RAPGEF2: variants seen among roughly 807,000 people sequenced by gnomAD.
RAPGEF2 encodes PDZ domain containing guanine nucleotide exchange factor (GEF) 1.
A neutral mutation model predicts 186.7 loss-of-function variants in RAPGEF2; 54 were observed. That is an observed-to-expected ratio of 0.29 (90% CI 0.23 to 0.36). The LOEUF (loss-of-function observed/expected upper bound fraction) is 0.36, where lower values mean the gene tolerates loss of function less well. RAPGEF2 is among the 10% of genes least tolerant of loss of function. The pLI is 1.00. For missense variants in RAPGEF2, 1,532 were observed against 2,045.0 expected, an observed-to-expected ratio of 0.75 and a Z score of 4.84; for synonymous variants, 712 against 705.9, an observed-to-expected ratio of 1.01 and a Z score of -0.14.
At chr4:159,296,754 G>A (rs551296822) in intron 7 of RAPGEF2, among the ~76,000 whole-genome samples, 1 of 152,308 alleles carries the variant, frequency 6.6e-6, no homozygotes, top group Non-Finnish European at 1.5e-5. Flanking sequence ...ATGGGGCAAA[G>A]CCTCACATTT....
At chr4:159,106,246 A>C (rs1478962734) in intron 1 of RAPGEF2, among the ~76,000 whole-genome samples, 1 of 152,190 alleles carries the variant, frequency 6.6e-6, no homozygotes, top group Non-Finnish European at 1.5e-5. Flanking sequence ...CATTTCAAAC[A>C]TTCCTAAGTG....
intron 8 of RAPGEF2, 113 bp downstream of exon 8, chr4:159,304,586 T>C: frequency 2.1e-6 from 2 of 948,454 alleles, no homozygotes; most frequent in Non-Finnish European, 1.5e-6. Context: ...TACATGTGCA[T>C]GTAAGTACAT....
At position 159,243,573 on chromosome 4, in the gene RAPGEF2, G is replaced by A. The variant is rs181590435; in HGVS notation, c.526-201G>A. On this transcript the variant is annotated intron_variant, in intron 6 of 29. Transcript: ENST00000691494. ...AAGAATTGCATGATCAACTTCACAG[G>A]TGATTTAAAGTCATTGCAAGAGCAT... Among the ~76,000 whole-genome samples the A allele has an allele frequency of 1.6e-3, 247 of 152,104 alleles. 1 individual carries two copies. The highest frequency in any genetic ancestry group is 5.1e-3 in the African/African-American group (210 of 41,562).
intron 1 of RAPGEF2, among the ~76,000 whole-genome samples, chr4:159,117,447 T>C (rs1357237205): frequency 6.6e-6 from 1 of 152,240 alleles, no homozygotes; most frequent in Non-Finnish European, 1.5e-5. Flanking sequence ...TGAGAATTCC[T>C]ATCTTGATTC....
At chr4:159,295,080 G>A (rs761221864) in intron 7 of RAPGEF2, among the ~76,000 whole-genome samples, 16 of 152,122 alleles carry the variant, frequency 1.1e-4, no homozygotes, top group Non-Finnish European at 1.9e-4. Flanking sequence ...AACGTTCAGC[G>A]TATTGCCCAT....
intron 7 of RAPGEF2, among the ~76,000 whole-genome samples, chr4:159,292,769 T>C (rs1006761351): frequency 8.5e-5 from 13 of 152,192 alleles, no homozygotes; most frequent in Non-Finnish European, 1.6e-4. Context: ...GCAGCACTTT[T>C]AAAAACAAGT....
intron 1 of RAPGEF2, among the ~76,000 whole-genome samples, chr4:159,141,579 T>A (rs1742336835): frequency 7.1e-6 from 1 of 140,874 alleles, no homozygotes; most frequent in South Asian, 2.2e-4. Flanking sequence ...GGAGACTAAG[T>A]GTGTATATAT....
intron 7 of RAPGEF2, among the ~76,000 whole-genome samples, chr4:159,250,336 A>G (rs1425003975): frequency 6.6e-6 from 1 of 152,216 alleles, no homozygotes; most frequent in African/African-American, 2.4e-5. Flanking sequence ...AATAATAATA[A>G]TTAAGTGGAA....
chr4:159,308,329 A>T (rs1336148677), intron 8 of RAPGEF2, among the ~76,000 whole-genome samples: 1 of 152,232 alleles, frequency 6.6e-6, no homozygotes, highest in African/African-American at 2.4e-5. Flanking sequence ...AAATCCATAG[A>T]TGTATCTAAG....
chr4:159,137,950 T>A (rs552171939), intron 1 of RAPGEF2, among the ~76,000 whole-genome samples: 1 of 152,370 alleles, frequency 6.6e-6, no homozygotes, highest in East Asian at 1.9e-4. Context: ...CTAGGGTTTT[T>A]AAATTCTTTT....
intron 3 of RAPGEF2, among the ~76,000 whole-genome samples, chr4:159,202,714 G>C (rs1749574711): frequency 6.6e-6 from 1 of 152,126 alleles, no homozygotes; most frequent in African/African-American, 2.4e-5. Flanking sequence ...CGATTCTCTT[G>C]CCTCAGCCTC....
rs118154529 is a variant in RAPGEF2 at position 159,153,111 on chromosome 4, T to C, written c.70-33531T>C. ...TTCAATAATCTTTTATTTGCCTTTA[T>C]CAAACAACTTCATTACACTAGTAGC... On this transcript the variant is annotated intron_variant, in intron 1 of 29. Transcript: ENST00000691494. 6.6e-5 allele frequency among the ~76,000 whole-genome samples: 10 copies of C among 152,324 alleles called. No individual in the cohort carries two copies. The East Asian group carries it at 1.9e-3, about 29-fold the overall frequency.
At chr4:159,254,517 G>A (rs969502728) in intron 7 of RAPGEF2, among the ~76,000 whole-genome samples, 3 of 151,548 alleles carry the variant, frequency 2.0e-5, no homozygotes, top group Non-Finnish European at 2.9e-5. Context: ...CCAGTGGAGC[G>A]TTAAGGGAAG....
rs779768148 is a variant in RAPGEF2 at position 159,347,009 on chromosome 4, A to G, written c.3712+11A>G. 1.2e-6 allele frequency: 2 copies of G among 1,602,768 alleles called. No homozygotes were observed. Among genetic ancestry groups the G allele is most frequent in the Non-Finnish European group, 8.5e-7 (1 of 1,170,932 alleles). On this transcript the variant is annotated intron_variant, in intron 25 of 29. Coordinates refer to ENST00000691494, the MANE Select transcript of RAPGEF2 (RefSeq NM_001394067.2). Reference sequence around the variant, plus strand: ...ATCTCCCACCTTTTGGTAAGTGATTACATTCATTTCTTTTTTTGGTGCCAT... The same window carrying G: ...ATCTCCCACCTTTTGGTAAGTGATTGCATTCATTTCTTTTTTTGGTGCCAT...
At chr4:159,356,827 G>A (rs1202200514) in intron 29 of RAPGEF2, among the ~76,000 whole-genome samples, 4 of 152,154 alleles carry the variant, frequency 2.6e-5, no homozygotes. Flanking sequence ...CTTGAGCCCG[G>A]AAGGCAGAGG....
At chr4:159,329,196 T>G (rs1766334030) in intron 11 of RAPGEF2, 1 of 152,122 alleles carries the variant, frequency 6.6e-6, no homozygotes, top group Admixed American at 6.6e-5. Context: ...TGCCCTAAGC[T>G]CTGAAATTTT....
At chr4:159,237,095 A>G (rs1753355758) in intron 4 of RAPGEF2, among the ~76,000 whole-genome samples, 1 of 152,178 alleles carries the variant, frequency 6.6e-6, no homozygotes, top group Non-Finnish European at 1.5e-5. Context: ...TTCTTGGCTC[A>G]CTGCAACCTC....
At chr4:159,181,679 G>T (rs1747025753) in intron 1 of RAPGEF2, among the ~76,000 whole-genome samples, 1 of 149,972 alleles carries the variant, frequency 6.7e-6, no homozygotes, top group African/African-American at 2.5e-5. Flanking sequence ...GGAACTACAG[G>T]CATGCATCAC....
At chr4:159,270,333 T>C (rs1460684605) in intron 7 of RAPGEF2, among the ~76,000 whole-genome samples, 2 of 152,204 alleles carry the variant, frequency 1.3e-5, no homozygotes, top group African/African-American at 4.8e-5. Context: ...TGACTCAATA[T>C]AGTTGTTGGG....
Sources: gnomAD v4.1 joint callset for allele counts (sites outside exome capture counted in the v4.1 genomes callset) on GRCh38, gnomAD v4.1.1 for gene constraint, MANE v1.5 for transcripts, NCBI Gene and HGNC (gene_info 2026-07-23, HGNC 2026-07-21) for gene names.